Variants in ALG12 observed in about 807,000 individuals in gnomAD.
ALG12 encodes the protein ALG12 alpha-1,6-mannosyltransferase.
A neutral mutation model predicts 46.0 loss-of-function variants in ALG12; 36 were observed. The ratio of observed to expected loss-of-function variants is 0.78; its 90% CI spans 0.60 to 1.03. ALG12 has a LOEUF of 1.03. Among genes scored for constraint, ALG12 ranks in the 50% least tolerant of loss-of-function variants. The pLI, the probability that ALG12 is intolerant of heterozygous loss-of-function variation, is 0.00. For synonymous variants in ALG12, 326 were observed against 291.6 expected (o/e 1.12, Z -1.20); for missense variants, 599 against 633.5 (o/e 0.95, Z 0.58).
chr22:49,874,193 C>T, the ALG12 span, among the ~76,000 whole-genome samples: 3 of 151,926 alleles, frequency 2.0e-5, no homozygotes, highest in Admixed American at 6.5e-5. Context: ...GGGAAGCACT[C>T]ACTCTTTCAC....
At chr22:49,915,233 C>T (rs1338064078) in intron 1 of ALG12, among the ~76,000 whole-genome samples, 3 of 152,142 alleles carry the variant, frequency 2.0e-5, no homozygotes, top group African/African-American at 7.2e-5. Flanking sequence ...TGGGGCCGGG[C>T]GCGGTCGCTC....
In ALG12 at chr22:49,903,808, C is replaced by G. The variant is rs371382769; in HGVS notation, c.*30G>C. 2.4e-5 allele frequency: 38 copies of G among 1,609,288 alleles called. No individual in the cohort carries two copies. Among genetic ancestry groups the G allele is most frequent in the Middle Eastern group, 3.3e-4 (2 of 6,080 alleles). ...GTAGTGATAACAGCTCCTGGAAGGC[C>G]TGTGGCTGCTGAGGGCTGCCTGGTC... On this transcript the variant is annotated 3_prime_UTR_variant, in exon 10 of 10. Transcript: ENST00000330817.
At chr22:49,883,887 G>C in the ALG12 span, 3 of 1,607,512 alleles carry the variant, frequency 1.9e-6, no homozygotes, top group Non-Finnish European at 2.6e-6. Flanking sequence ...GGAAGTACTT[G>C]TCTGCAGAGA....
chr22:49,917,755 G>C (rs1473990226), intron 1 of ALG12, among the ~76,000 whole-genome samples: 1 of 149,096 alleles, frequency 6.7e-6, no homozygotes, highest in East Asian at 1.9e-4. Context: ...TCCTTCCACA[G>C]GCAGGAGTTC....
intron 5 of ALG12, 140 bp downstream of exon 5, chr22:49,909,754 A>T: frequency 8.2e-7 from 1 of 1,217,454 alleles, no homozygotes; most frequent in Non-Finnish European, 1.2e-6. Flanking sequence ...CAGGGGGCTT[A>T]GGATTGAAAT....
chr22:49,867,301 A>G, the ALG12 span, among the ~76,000 whole-genome samples: 117 of 152,322 alleles, frequency 7.7e-4, 1 homozygote, highest in African/African-American at 2.7e-3. Flanking sequence ...CGCGTATGTT[A>G]TGGGCCAGCA....
downstream of ALG12, among the ~76,000 whole-genome samples, chr22:49,897,765 C>T (rs548736022): frequency 4.3e-4 from 63 of 145,206 alleles, no homozygotes; most frequent in African/African-American, 1.6e-3. Context: ...ATGCCATTCT[C>T]TTGCCTCAGC....
At chr22:49,872,987 C>G in the ALG12 span, among the ~76,000 whole-genome samples, 2 of 152,166 alleles carry the variant, frequency 1.3e-5, no homozygotes, top group African/African-American at 4.8e-5. Flanking sequence ...TGAACTACCG[C>G]GCCCAGCCAA....
chr22:49,886,694 G>A, the ALG12 span: 2 of 1,612,904 alleles, frequency 1.2e-6, no homozygotes, highest in Non-Finnish European at 1.7e-6. This position sits in a 1 kb window ranked among gnomAD's most constrained non-coding sequence, Gnocchi z 7.7. Context: ...CTGGATCCTC[G>A]CTACAAGGCC....
Position 49,910,607 on chromosome 22 carries a change from A to C in ALG12, c.296T>G (p.Val99Gly). Residue 99 changes from valine (V) to glycine (G), a missense_variant and splice_region_variant, in exon 4 of 10, where the codon GTT becomes GGT. Transcript: ENST00000330817. ...EMSKFYSQLI[V>G]RGVLGLGVIF... ...CACGCCGAGTCCAAGCACTCCTCTA[A>C]CTAAACAAAGACAGTGACAGCACCT... 2 of 1,614,046 alleles carry C rather than the reference A, an allele frequency of 1.2e-6. No homozygotes were observed. The highest frequency in any genetic ancestry group is 2.7e-5 in the African/African-American group (2 of 75,058).
At chr22:49,897,772 C>A (rs1396492815), downstream of ALG12, among the ~76,000 whole-genome samples, 11 of 149,558 alleles carry the variant, frequency 7.4e-5, no homozygotes, top group Non-Finnish European at 1.5e-5. Flanking sequence ...TCTCTTGCCT[C>A]AGCCTCCCAA....
chr22:49,876,049 G>T, the ALG12 span, among the ~76,000 whole-genome samples: 3 of 151,070 alleles, frequency 2.0e-5, no homozygotes, highest in African/African-American at 7.3e-5. Flanking sequence ...TTGATACTGC[G>T]TGTAATATAA....
chr22:49,863,493 G>A, the ALG12 span, among the ~76,000 whole-genome samples: 310 of 152,304 alleles, frequency 2.0e-3, no homozygotes, highest in Middle Eastern at 6.8e-3. Flanking sequence ...TGGGCGTGGT[G>A]GCGAGTGCCT....
At chr22:49,890,105 G>C in the ALG12 span, 1 of 155,122 alleles carries the variant, frequency 6.4e-6, no homozygotes, top group African/African-American at 2.4e-5. Context: ...TGTAATCCCA[G>C]TACTTTGGGA....
the ALG12 span, among the ~76,000 whole-genome samples, chr22:49,866,708 A>G: frequency 3.9e-5 from 6 of 152,108 alleles, no homozygotes; most frequent in East Asian, 1.9e-4. Flanking sequence ...AGTTTTTCTC[A>G]TACCCTTCTG....
chr22:49,875,902 C>G, the ALG12 span, among the ~76,000 whole-genome samples: 7 of 151,452 alleles, frequency 4.6e-5, no homozygotes, highest in African/African-American at 1.2e-4. Context: ...AATTTTATTG[C>G]TCTTTCCCAA....
chr22:49,864,839 A>AAAAAAAAAAG, the ALG12 span, among the ~76,000 whole-genome samples: 27 of 133,144 alleles, frequency 2.0e-4, 3 homozygotes, highest in African/African-American at 9.9e-4. Context: ...AAAAAAAAAA[A>AAAAAAAAAAG]GCCCTGATTA....
the ALG12 span, among the ~76,000 whole-genome samples, chr22:49,872,707 T>A: frequency 3.8e-3 from 578 of 151,738 alleles, 6 homozygotes; most frequent in African/African-American, 0.013. Flanking sequence ...TTTTTAAATT[T>A]TTTTTTTTTT....
chr22:49,886,477 C>T, the ALG12 span: 1 of 1,570,152 alleles, frequency 6.4e-7, no homozygotes, highest in Non-Finnish European at 8.6e-7. This position sits in a 1 kb window ranked among gnomAD's most constrained non-coding sequence, Gnocchi z 7.7. Flanking sequence ...TGCGCTAAAG[C>T]CCTTCGAGGC....
Sources: allele counts gnomAD v4.1 joint callset (sites outside exome capture counted in the v4.1 genomes callset), GRCh38; gene constraint gnomAD v4.1.1; non-coding constraint Gnocchi (gnomAD v3.1); transcripts MANE v1.5; gene names NCBI Gene and HGNC (gene_info 2026-07-23, HGNC 2026-07-21).